The following GRID2 variants were observed in gnomAD, a reference collection of about 807,000 sequenced individuals.
GRID2 encodes the protein glutamate receptor ionotropic, delta-2.
Under a neutral mutation model 114.8 loss-of-function variants are expected in GRID2, and 33 were observed. The ratio of observed to expected loss-of-function variants is 0.29; its 90% CI spans 0.22 to 0.38. The LOEUF (loss-of-function observed/expected upper bound fraction) is 0.38, where lower values mean the gene tolerates loss of function less well. Ranked by LOEUF, GRID2 falls within the 10% of genes least tolerant of loss-of-function variation. The pLI, the probability that GRID2 is intolerant of heterozygous loss-of-function variation, is 1.00. For missense variants in GRID2, 1,184 were observed against 1,257.7 expected (o/e 0.94, Z 0.89); for synonymous variants, 505 against 449.9 (o/e 1.12, Z -1.55).
intron 8 of GRID2, among the ~76,000 whole-genome samples, chr4:93,335,770 C>T (rs916207885): frequency 2.7e-5 from 4 of 150,396 alleles, no homozygotes; most frequent in African/African-American, 9.9e-5. Context: ...ACAATCAGGG[C>T]TCACCACAGC....
intron 2 of GRID2, among the ~76,000 whole-genome samples, chr4:92,820,576 A>G (rs1017614822): frequency 2.6e-5 from 4 of 152,170 alleles, no homozygotes; most frequent in African/African-American, 7.2e-5. Context: ...TCTTGGCTGC[A>G]ATGAACTTTA....
At chr4:93,278,062 A>C (rs1752246985) in intron 8 of GRID2, among the ~76,000 whole-genome samples, 1 of 151,948 alleles carries the variant, frequency 6.6e-6, no homozygotes, top group Admixed American at 6.6e-5. Flanking sequence ...TGAGCAGATA[A>C]ATTTGACTGG....
intron 4 of GRID2, among the ~76,000 whole-genome samples, chr4:93,134,375 G>A (rs1420613867): frequency 6.6e-6 from 1 of 152,142 alleles, no homozygotes; most frequent in Non-Finnish European, 1.5e-5. Flanking sequence ...TTTTGTAAAT[G>A]TGAATCTGAA....
At chr4:93,395,752 C>G (rs1295744502) in intron 9 of GRID2, 44 bp downstream of exon 9, 3 of 818,360 alleles carry the variant, frequency 3.7e-6, no homozygotes, top group Non-Finnish European at 6.4e-6. Flanking sequence ...TTGGAGGTTA[C>G]TTTATCCTAT....
At chr4:92,564,346 T>A (rs754075691) in intron 1 of GRID2, among the ~76,000 whole-genome samples, 2 of 151,974 alleles carry the variant, frequency 1.3e-5, no homozygotes, top group African/African-American at 4.8e-5. Flanking sequence ...AAGCTGATTT[T>A]AAAAAAATCA....
At chr4:93,243,606 T>C (rs1206742334) in intron 8 of GRID2, among the ~76,000 whole-genome samples, 1 of 152,166 alleles carries the variant, frequency 6.6e-6, no homozygotes, top group South Asian at 2.1e-4. Flanking sequence ...AGGATTTGAA[T>C]GTGTGATGTA....
At chr4:92,618,255 T>C (rs1730098486) in intron 2 of GRID2, among the ~76,000 whole-genome samples, 1 of 151,794 alleles carries the variant, frequency 6.6e-6, no homozygotes, top group Admixed American at 6.6e-5. Flanking sequence ...GCACCATTTA[T>C]TGAAGAGATT....
intron 11 of GRID2, among the ~76,000 whole-genome samples, chr4:93,476,239 TACAGTGTA>T (rs1725311738): frequency 6.6e-6 from 1 of 152,052 alleles, no homozygotes; most frequent in Non-Finnish European, 1.5e-5. Flanking sequence ...ACAAAACACC[TACAGTGTA>T]AATCAAGTAA....
At chr4:92,749,892 G>A (rs559478880) in intron 2 of GRID2, among the ~76,000 whole-genome samples, 13 of 151,614 alleles carry the variant, frequency 8.6e-5, no homozygotes, top group South Asian at 4.2e-4. Flanking sequence ...AGACAATTTC[G>A]CTCTTGTTGC....
chr4:93,120,219 A>G (rs1023093416), intron 4 of GRID2, among the ~76,000 whole-genome samples: 1 of 152,192 alleles, frequency 6.6e-6, no homozygotes, highest in African/African-American at 2.4e-5. Context: ...CAGAAATACC[A>G]TTTGACCCAG....
chr4:93,305,258 T>A (rs1755294261), intron 8 of GRID2, among the ~76,000 whole-genome samples: 1 of 152,128 alleles, frequency 6.6e-6, no homozygotes, highest in South Asian at 2.1e-4. Context: ...AATGTAGTTG[T>A]CAAGTTTATA....
chr4:93,795,677 C>T (rs1431912889), intron 1 of GRID2, among the ~76,000 whole-genome samples: 2 of 152,064 alleles, frequency 1.3e-5, no homozygotes, highest in Non-Finnish European at 2.9e-5. Context: ...TAGGATTCTT[C>T]CTAACTTCTG....
chr4:93,580,810 A>ACC (rs113883905), intron 13 of GRID2, among the ~76,000 whole-genome samples: 2 of 146,198 alleles, frequency 1.4e-5, no homozygotes, highest in South Asian at 2.2e-4. Context: ...TCTCAAAACA[A>ACC]CCCCCCCCAG....
At chr4:92,540,720 T>C (rs1415631125) in intron 1 of GRID2, among the ~76,000 whole-genome samples, 1 of 152,198 alleles carries the variant, frequency 6.6e-6, no homozygotes, top group Non-Finnish European at 1.5e-5. Context: ...TCAACCATTG[T>C]GGAAGTCAGT....
chr4:92,702,639 G>A (rs959165381), intron 2 of GRID2: 1 of 151,232 alleles, frequency 6.6e-6, no homozygotes, highest in African/African-American at 2.4e-5. Flanking sequence ...TTTAATTTCA[G>A]CCTCCTATTT....
chr4:93,338,688 A>G (rs1759333790), intron 8 of GRID2, among the ~76,000 whole-genome samples: 1 of 152,070 alleles, frequency 6.6e-6, no homozygotes, highest in Non-Finnish European at 1.5e-5. Context: ...ACCACTGACT[A>G]CCTCCATACC....
intron 2 of GRID2, among the ~76,000 whole-genome samples, chr4:92,701,302 TC>T (rs1382023525): frequency 2.0e-4 from 30 of 152,300 alleles, no homozygotes; most frequent in African/African-American, 7.2e-4. Context: ...GGTATGATTA[TC>T]CAAGCACTTT....
At chr4:92,451,076 C>T (rs936578874) in intron 1 of GRID2, among the ~76,000 whole-genome samples, 1 of 151,994 alleles carries the variant, frequency 6.6e-6, no homozygotes, top group African/African-American at 2.4e-5. Context: ...TGTCAAGCAC[C>T]ATAATTCACT....
chr4:92,320,850 A>T (rs1726277451), intron 1 of GRID2, among the ~76,000 whole-genome samples: 1 of 152,138 alleles, frequency 6.6e-6, no homozygotes, highest in Admixed American at 6.6e-5. Flanking sequence ...TACATTTTAA[A>T]ATCAAAGTCT....
Sources: allele counts gnomAD v4.1 joint callset (sites outside exome capture counted in the v4.1 genomes callset), GRCh38; gene constraint gnomAD v4.1.1; transcripts MANE v1.5; gene names NCBI Gene and HGNC (gene_info 2026-07-23, HGNC 2026-07-21).